FGF14: variants seen among roughly 807,000 people sequenced by gnomAD.
FGF14 encodes fibroblast growth factor homologous factor 4.
A neutral mutation model predicts 25.5 loss-of-function variants in FGF14; 5 were observed. The ratio of observed to expected loss-of-function variants is 0.20; its 90% confidence interval spans 0.10 to 0.41. The LOEUF is 0.41. FGF14 is among the 10% of genes least tolerant of loss of function. FGF14 has a pLI of 1.00. For synonymous variants in FGF14, 138 were observed against 118.3 expected (o/e 1.17, Z -1.08); for missense variants, 222 against 320.1 (o/e 0.69, Z 2.34).
intron 1 of FGF14, among the ~76,000 whole-genome samples, chr13:102,177,215 T>C (rs2048485416): frequency 6.6e-6 from 1 of 152,194 alleles, no homozygotes; most frequent in Non-Finnish European, 1.5e-5. Context: ...ATTTGGAAGA[T>C]ATGAATTTTC....
At chr13:102,095,583 C>T (rs1380526382) in intron 1 of FGF14, among the ~76,000 whole-genome samples, 1 of 152,122 alleles carries the variant, frequency 6.6e-6, no homozygotes, top group Non-Finnish European at 1.5e-5. Context: ...TCCACTTCTT[C>T]CACCTCTCCA....
chr13:101,875,155 ATGTAACTGG>A, intron 2 of FGF14, 22 bp downstream of exon 2: 1 of 1,411,530 alleles, frequency 7.1e-7, no homozygotes, highest in South Asian at 1.1e-5. Flanking sequence ...TCTACCAACT[ATGTAACTGG>A]TGGCCTGAGG....
chr13:102,019,301 A>G (rs908831361), intron 1 of FGF14, among the ~76,000 whole-genome samples: 1 of 152,094 alleles, frequency 6.6e-6, no homozygotes, highest in Non-Finnish European at 1.5e-5. Flanking sequence ...CTTCTGCTCT[A>G]TGTCATGATT....
Position 102,277,884 on chromosome 13 carries a change from C to T in FGF14, c.208+123587G>A, listed in dbSNP as rs185109190. Among the ~76,000 whole-genome samples, 610 of 152,328 alleles carry T rather than the reference C, an allele frequency of 4.0e-3. 21 individuals carry two copies. The highest frequency in any genetic ancestry group is 4.4e-4 in the Non-Finnish European group (30 of 68,036). ...TTGTTTATTTACATCCTTAATATCA[C>T]CATCCAAGTCATTATTACCTGTATT... is the stretch of plus-strand genomic sequence containing the variant. On this transcript the variant is annotated intron_variant, in intron 1 of 4. Transcript: ENST00000376131.
chr13:101,932,812 C>T (rs2139254339), intron 1 of FGF14, among the ~76,000 whole-genome samples: 2 of 146,450 alleles, frequency 1.4e-5, no homozygotes, highest in Non-Finnish European at 3.0e-5. Flanking sequence ...GAAGCAGGTT[C>T]TGAAATCCCA....
chr13:102,129,260 A>T (rs2046083416), intron 1 of FGF14, among the ~76,000 whole-genome samples: 1 of 152,064 alleles, frequency 6.6e-6, no homozygotes, highest in African/African-American at 2.4e-5. Context: ...AAAAAAAAGA[A>T]AGAAAGAAAG....
intron 1 of FGF14, among the ~76,000 whole-genome samples, chr13:101,898,777 T>A (rs1441571460): frequency 6.6e-6 from 1 of 152,130 alleles, no homozygotes; most frequent in Non-Finnish European, 1.5e-5. Context: ...TAGATATTTT[T>A]AAAAACAAGA....
chr13:102,092,364 C>T lies in FGF14; in HGVS notation c.209-217068G>A, dbSNP rs139065510. 5.8e-4 allele frequency among the ~76,000 whole-genome samples: 89 copies of T among 152,216 alleles called. No homozygotes were observed. In the Middle Eastern group the frequency reaches 0.014, roughly 23 times the overall value. The stretch of plus-strand genomic sequence containing the variant: ...CCCACTAAGTGCCATTGCACTTATC[C>T]CAATTACGGGTGACCAAAACTGTGC... On this transcript the variant is annotated intron_variant, in intron 1 of 4. Transcript: ENST00000376131.
chr13:101,828,623 G>C (rs2146695), intron 3 of FGF14, among the ~76,000 whole-genome samples: 86,697 of 151,648 alleles, frequency 0.57, 25,293 homozygotes, highest in East Asian at 0.93. Context: ...TTCCACATAT[G>C]CACACGGCTA....
intron 1 of FGF14, among the ~76,000 whole-genome samples, chr13:101,897,560 C>A (rs1478820191): frequency 6.6e-6 from 1 of 152,148 alleles, no homozygotes; most frequent in Non-Finnish European, 1.5e-5. Context: ...TCCAACCTCT[C>A]TTGTGAACTT....
intron 3 of FGF14, chr13:101,802,003 C>T (rs2040902103): frequency 4.4e-6 from 2 of 454,962 alleles, no homozygotes; most frequent in African/African-American, 2.0e-5. Flanking sequence ...CAGAATTTTT[C>T]AAGATGTGCT....
intron 1 of FGF14, among the ~76,000 whole-genome samples, chr13:102,183,503 G>A (rs1323164274): frequency 6.6e-6 from 1 of 152,162 alleles, no homozygotes; most frequent in Non-Finnish European, 1.5e-5. Context: ...GTAGCTTAAT[G>A]AAAAGCATCT....
At chr13:102,281,071 T>A (rs1019970088) in intron 1 of FGF14, among the ~76,000 whole-genome samples, 1 of 152,228 alleles carries the variant, frequency 6.6e-6, no homozygotes, top group Non-Finnish European at 1.5e-5. Context: ...TTATTCCTTT[T>A]TTTCCCCAAG....
chr13:101,736,266 G>T (rs1348591719), intron 3 of FGF14, among the ~76,000 whole-genome samples: 1 of 152,014 alleles, frequency 6.6e-6, no homozygotes, highest in African/African-American at 2.4e-5. Flanking sequence ...GAATATTTTA[G>T]AAATAGGGTT....
At chr13:101,981,082 A>AACACACACACACACACACACAC (rs58666555) in intron 1 of FGF14, among the ~76,000 whole-genome samples, 4 of 123,782 alleles carry the variant, frequency 3.2e-5, no homozygotes, top group East Asian at 5.6e-4. Flanking sequence ...TCTCTACTAA[A>AACACACACACACACACACACAC]ACACACACAC....
At chr13:102,336,202 G>T (rs564645500) in intron 1 of FGF14, among the ~76,000 whole-genome samples, 11 of 152,280 alleles carry the variant, frequency 7.2e-5, no homozygotes, top group South Asian at 2.1e-4. Flanking sequence ...GCACCAGTTT[G>T]CCAAGTGTAA....
At chr13:102,277,361 G>A (rs1187378319) in intron 1 of FGF14, among the ~76,000 whole-genome samples, 2 of 152,148 alleles carry the variant, frequency 1.3e-5, no homozygotes, top group Non-Finnish European at 2.9e-5. Context: ...AGGAGAGAAT[G>A]TCCCCCTCTC....
chr13:102,353,170 G>A (rs1319059032), intron 1 of FGF14, among the ~76,000 whole-genome samples: 5 of 152,178 alleles, frequency 3.3e-5, no homozygotes, highest in Non-Finnish European at 7.3e-5. Context: ...AAAAATATTA[G>A]ACATAGTCAC....
intron 1 of FGF14, among the ~76,000 whole-genome samples, chr13:102,044,724 T>A (rs1236714582): frequency 6.6e-6 from 1 of 152,080 alleles, no homozygotes; most frequent in African/African-American, 2.4e-5. Context: ...AATCTCAAAT[T>A]ACCTTCCACC....
Sources: allele counts gnomAD v4.1 joint callset (sites outside exome capture counted in the v4.1 genomes callset), GRCh38; gene constraint gnomAD v4.1.1; transcripts MANE v1.5; gene names NCBI Gene and HGNC (gene_info 2026-07-23, HGNC 2026-07-21).